The following NFE2L3 variants were observed in gnomAD, a reference collection of about 807,000 sequenced individuals.
NFE2L3 encodes the protein nuclear factor erythroid 2-related factor 3.
Under a neutral mutation model 23.5 loss-of-function variants are expected in NFE2L3, and 18 were observed. The ratio of observed to expected loss-of-function variants is 0.77; its 90% confidence interval spans 0.53 to 1.13. NFE2L3 has a LOEUF of 1.13. NFE2L3 is among the 50% of genes most tolerant of loss of function. NFE2L3 has a pLI of 0.00. For missense variants in NFE2L3, 1,152 were observed against 877.2 expected (o/e 1.31, Z -3.96); for synonymous variants, 424 against 354.5 (o/e 1.20, Z -2.20).
Position 26,186,700 on chromosome 7 carries a change from C to T in NFE2L3, c.*917C>T, listed in dbSNP as rs1234173363. 6.6e-6 allele frequency: 1 copy of T among 152,114 alleles called. No individual in the cohort carries two copies. Among genetic ancestry groups the T allele is most frequent in the Non-Finnish European group, 1.5e-5 (1 of 68,032 alleles). 9.4% of individuals were successfully genotyped at this position (152,114 alleles called of 1,614,324 possible). On this transcript the variant is annotated 3_prime_UTR_variant, in exon 4 of 4. Transcript: ENST00000056233. ...AGAATACTGAGATCTCACCAGAACACTGTAAGCCATATAAACAGTAGGGAA... is the reference window on the plus strand; with the variant it reads ...AGAATACTGAGATCTCACCAGAACATTGTAAGCCATATAAACAGTAGGGAA...
intron 1 of NFE2L3, among the ~76,000 whole-genome samples, chr7:26,153,658 C>T (rs1784034367): frequency 6.6e-6 from 1 of 152,232 alleles, no homozygotes; most frequent in Non-Finnish European, 1.5e-5. Flanking sequence ...ATCCTCCTTC[C>T]TGGAATTTGT....
chr7:26,175,343 G>A (rs1171563521), intron 1 of NFE2L3, among the ~76,000 whole-genome samples: 1 of 152,180 alleles, frequency 6.6e-6, no homozygotes, highest in African/African-American at 2.4e-5. Context: ...CTGGGCGACA[G>A]AGTGAGACTC....
rs149225342 is a variant in NFE2L3, at chr7:26,185,628, G to C, written c.1930G>C (p.Asp644His). ...ACAGAAACTGCATGACCTTTATCAT[G>C]ATATTTTTAGTAGATTAAGAGATGA... Reference protein sequence around the residue: ...MKQKLHDLYHDIFSRLRDDQG... With the variant: ...MKQKLHDLYHHIFSRLRDDQG... Residue 644 changes from aspartate (D) to histidine (H), a missense_variant, in exon 4 of 4, where the codon GAT becomes CAT. Coordinates refer to ENST00000056233, the MANE Select transcript of NFE2L3 (RefSeq NM_004289.7). The C allele has an allele frequency of 1.4e-5, 22 of 1,613,288 alleles. No individual in the cohort carries two copies. Among genetic ancestry groups the C allele is most frequent in the Non-Finnish European group, 1.7e-5 (20 of 1,179,490 alleles).
chr7:26,177,194 G>A (rs971733699), intron 1 of NFE2L3, among the ~76,000 whole-genome samples: 2 of 152,238 alleles, frequency 1.3e-5, no homozygotes, highest in Non-Finnish European at 2.9e-5. Flanking sequence ...TCCTAGACAG[G>A]GTGGCGGCTG....
chr7:26,173,997 G>A (rs1417416032), intron 1 of NFE2L3: 2 of 152,322 alleles, frequency 1.3e-5, no homozygotes, highest in East Asian at 1.9e-4. Flanking sequence ...AACTGAGATG[G>A]TAAATATTTG....
chr7:26,185,812 TGAA>T lies in NFE2L3; in HGVS notation c.*31_*33del, dbSNP rs770971890. On this transcript the variant is annotated 3_prime_UTR_variant, in exon 4 of 4. Transcript: ENST00000056233. Reference sequence around the variant, plus strand: ...GAAACTGAAGATGGACTCTATTATGTGAAGTAGTAATGTTCAGAAACTGATTAT... The same window carrying T: ...GAAACTGAAGATGGACTCTATTATGTGTAGTAATGTTCAGAAACTGATTAT... The T allele has an allele frequency of 1.1e-5, 17 of 1,540,402 alleles. No homozygotes were observed. In the South Asian group the frequency reaches 1.2e-4, roughly 11 times the overall value.
At chr7:26,163,312 A>G (rs1344921742) in intron 1 of NFE2L3, among the ~76,000 whole-genome samples, 2 of 152,126 alleles carry the variant, frequency 1.3e-5, no homozygotes, top group African/African-American at 4.8e-5. Context: ...CATAACCACA[A>G]TGCCGTTAGC....
In NFE2L3 at chr7:26,165,419, T is replaced by C. The variant is rs983416318; in HGVS notation, c.570+12351T>C. 3.9e-5 allele frequency among the ~76,000 whole-genome samples: 6 copies of C among 152,354 alleles called. No homozygotes were observed. In the East Asian group the frequency reaches 1.2e-3, roughly 29 times the overall value. On this transcript the variant is annotated intron_variant, in intron 1 of 3. Transcript: ENST00000056233. ...TTATTCTCTTTGAAGCAATTGTGAATGGGAGTTCACTCATGATTTGGCTCT... is the reference window on the plus strand; with the variant it reads ...TTATTCTCTTTGAAGCAATTGTGAACGGGAGTTCACTCATGATTTGGCTCT...
chr7:26,183,501 T>C (rs185264158), intron 2 of NFE2L3, among the ~76,000 whole-genome samples, 200 bp from the exon 3 acceptor site: 2 of 143,968 alleles, frequency 1.4e-5, no homozygotes, highest in South Asian at 2.1e-4. Flanking sequence ...TGAGCCGAGA[T>C]TGCACCACTG....
At chr7:26,175,469 GA>G (rs1379887511) in intron 1 of NFE2L3, among the ~76,000 whole-genome samples, 1 of 152,056 alleles carries the variant, frequency 6.6e-6, no homozygotes, top group African/African-American at 2.4e-5. Flanking sequence ...GAGAGAACCA[GA>G]ATTAATAGTT....
chr7:26,186,234 T>G lies in NFE2L3; in HGVS notation c.*451T>G, dbSNP rs1474076942. On this transcript the variant is annotated 3_prime_UTR_variant, in exon 4 of 4. Transcript: ENST00000056233. The stretch of plus-strand genomic sequence containing the variant: ...AGCTTTTCAAACACTATTTTAATCT[T>G]TATATTTAACTTATAAATTTTGCTT... 1 of 152,362 alleles carries G rather than the reference T, an allele frequency of 6.6e-6. No individual in the cohort carries two copies. The highest frequency in any genetic ancestry group is 2.4e-5 in the African/African-American group (1 of 41,188). The allele number at this position is 152,362 out of a possible 1,614,324, so 9.4% of individuals were successfully genotyped here. A position where few individuals can be genotyped will look rare whatever the true frequency, so the allele number is the denominator to read the frequency against.
chr7:26,181,824 ATGAAAAAAGTCATTTTCAT>A (rs1272485018), intron 2 of NFE2L3, among the ~76,000 whole-genome samples: 4 of 152,222 alleles, frequency 2.6e-5, no homozygotes, highest in African/African-American at 4.8e-5. Flanking sequence ...AATTCTAGAT[ATGAAAAAAGTCATTTTCAT>A]TGAAAATTCA....
chr7:26,185,096 T>G lies in NFE2L3; in HGVS notation c.1398T>G (p.Gly466=). The part of the protein sequence containing the change: ...SSHHDLEGAV[G]GYYPEPSKLC... ...ATCATGACTTAGAAGGTGCTGTAGG[T>G]GGCTACTACCCAGAACCCAGTAAGC... The change falls in exon 4 of 4, where the codon GGT becomes GGG. Residue 466 remains glycine (G), a synonymous_variant. Transcript: ENST00000056233. 1 of 1,613,930 alleles carries G rather than the reference T, an allele frequency of 6.2e-7. No individual in the cohort carries two copies. Among genetic ancestry groups the G allele is most frequent in the Admixed American group, 1.7e-5 (1 of 60,012 alleles).
intron 3 of NFE2L3, 60 bp downstream of exon 3, chr7:26,183,844 A>G (rs749045261): frequency 1.7e-5 from 17 of 1,027,272 alleles, no homozygotes; most frequent in Non-Finnish European, 2.2e-5. Flanking sequence ...CTTTTGGTGA[A>G]CAAATACAAC....
chr7:26,185,078 C>CA lies in NFE2L3; in HGVS notation c.1380_1381insA (p.Leu461IlefsTer14). 1 of 1,613,848 alleles carries CA rather than the reference C, an allele frequency of 6.2e-7. No individual in the cohort carries two copies. Among genetic ancestry groups the CA allele is most frequent in the Non-Finnish European group, 8.5e-7 (1 of 1,179,812 alleles). On this transcript the variant is annotated frameshift_variant, in exon 4 of 4. Coordinates refer to ENST00000056233, the MANE Select transcript of NFE2L3 (RefSeq NM_004289.7). LOFTEE classifies it low-confidence loss of function (END_TRUNC). ...ACCATGAATCTAGTTCCCATCATGA[C>CA]TTAGAAGGTGCTGTAGGTGGCTACT...
At chr7:26,158,719 A>G (rs1021323326) in intron 1 of NFE2L3, among the ~76,000 whole-genome samples, 1 of 152,132 alleles carries the variant, frequency 6.6e-6, no homozygotes, top group African/African-American at 2.4e-5. Flanking sequence ...CAACCCACAC[A>G]GTGGGAAATG....
intron 1 of NFE2L3, among the ~76,000 whole-genome samples, chr7:26,176,110 G>C (rs1166536754): frequency 3.3e-5 from 5 of 151,796 alleles, no homozygotes; most frequent in Non-Finnish European, 5.9e-5. Flanking sequence ...AGCACATCTT[G>C]CACCGCCCTT....
intron 3 of NFE2L3, chr7:26,184,180 A>G (rs769767621): frequency 6.0e-6 from 2 of 334,718 alleles, no homozygotes; most frequent in Non-Finnish European, 1.1e-5. Flanking sequence ...ACTTCACTGT[A>G]GTTTATTATC....
Position 26,178,133 on chromosome 7 carries a change from C to A in NFE2L3, c.750+11C>A. ...GAATCTAGAAATGAGGTAAGCCTGT[C>A]AGAATATTCAAGCCTTGCCGTTTTG... On this transcript the variant is annotated intron_variant, in intron 2 of 3. Coordinates refer to ENST00000056233, the MANE Select transcript of NFE2L3 (RefSeq NM_004289.7). The A allele has an allele frequency of 6.2e-7, 1 of 1,605,500 alleles. No homozygotes were observed. Among genetic ancestry groups the A allele is most frequent in the South Asian group, 1.1e-5 (1 of 89,288 alleles).
Sources: allele counts gnomAD v4.1 joint callset (sites outside exome capture counted in the v4.1 genomes callset), GRCh38; gene constraint gnomAD v4.1.1; transcripts MANE v1.5; gene names NCBI Gene and HGNC (gene_info 2026-07-23, HGNC 2026-07-21).